The following NRXN3 variants were observed in gnomAD, a reference collection of about 807,000 sequenced individuals.
The protein encoded by NRXN3 is neurexin III.
In NRXN3, 32 loss-of-function variants were observed where a neutral mutation model predicts 137.6. The observed-to-expected ratio is 0.23, with a 90% CI of 0.18 to 0.31. The LOEUF (loss-of-function observed/expected upper bound fraction) is 0.31. NRXN3 is among the 10% of genes least tolerant of loss of function. The probability of loss-of-function intolerance (pLI) is 1.00; values close to 1 mark genes in which losing one functional copy is unlikely to be tolerated. For missense variants in NRXN3, 1,574 were observed against 2,062.5 expected (o/e 0.76, Z 4.59); for synonymous variants, 798 against 784.5 (o/e 1.02, Z -0.29).
intron 15 of NRXN3, among the ~76,000 whole-genome samples, chr14:79,275,133 T>C (rs1056565322): frequency 6.6e-5 from 10 of 152,220 alleles, no homozygotes; most frequent in African/African-American, 2.4e-4. Context: ...AAAGTCGAAC[T>C]GTTTTATGGT....
At chr14:79,765,382 C>T (rs141535173) in intron 19 of NRXN3, among the ~76,000 whole-genome samples, 5 of 152,174 alleles carry the variant, frequency 3.3e-5, no homozygotes, top group Admixed American at 1.3e-4. Flanking sequence ...TTCAATGGAA[C>T]AATTTTTCTT....
chr14:78,665,484 C>T (rs762148825), intron 6 of NRXN3, among the ~76,000 whole-genome samples: 9 of 152,130 alleles, frequency 5.9e-5, no homozygotes, highest in African/African-American at 1.9e-4. Flanking sequence ...TCAATTACCT[C>T]CCACCGGGTT....
intron 19 of NRXN3, among the ~76,000 whole-genome samples, chr14:79,706,099 G>A (rs1023569123): frequency 7.9e-5 from 12 of 152,262 alleles, no homozygotes; most frequent in Middle Eastern, 3.4e-3. Context: ...TCACCAGTGA[G>A]GGTGGGCACC....
intron 10 of NRXN3, among the ~76,000 whole-genome samples, chr14:78,946,327 T>C (rs1460760058): frequency 6.6e-6 from 1 of 152,148 alleles, no homozygotes; most frequent in Non-Finnish European, 1.5e-5. Flanking sequence ...TGTATACTCC[T>C]CCATGAAGAA....
At chr14:79,341,500 G>T (rs911156299) in intron 15 of NRXN3, among the ~76,000 whole-genome samples, 4 of 152,158 alleles carry the variant, frequency 2.6e-5, no homozygotes, top group Non-Finnish European at 5.9e-5. Flanking sequence ...AAGAGAATCA[G>T]CAGTTTAACA....
intron 15 of NRXN3, among the ~76,000 whole-genome samples, chr14:79,131,596 T>A (rs1001652351): frequency 1.3e-5 from 2 of 152,174 alleles, no homozygotes; most frequent in African/African-American, 4.8e-5. Context: ...TCAGACAGGG[T>A]CATTTAAGTC....
At chr14:78,953,903 A>C (rs910398848) in intron 10 of NRXN3, among the ~76,000 whole-genome samples, 5 of 152,172 alleles carry the variant, frequency 3.3e-5, no homozygotes, top group African/African-American at 1.2e-4. Context: ...GACGTTTCTT[A>C]AGTTCTCACT....
chr14:78,920,496 A>C (rs2099268052), intron 10 of NRXN3, among the ~76,000 whole-genome samples: 1 of 152,146 alleles, frequency 6.6e-6, no homozygotes, highest in Admixed American at 6.5e-5. Flanking sequence ...TTTTCTGACA[A>C]CCACTTCTCC....
At chr14:78,679,870 A>G (rs2098055054) in intron 6 of NRXN3, among the ~76,000 whole-genome samples, 2 of 152,156 alleles carry the variant, frequency 1.3e-5, no homozygotes, top group African/African-American at 4.8e-5. Context: ...CCTGGTTCAA[A>G]TCCGTTGTCT....
intron 15 of NRXN3, among the ~76,000 whole-genome samples, chr14:79,068,625 TG>T (rs2099683699): frequency 6.6e-6 from 1 of 152,162 alleles, no homozygotes; most frequent in Admixed American, 6.6e-5. Context: ...TTTAATTTCC[TG>T]GGGATACCAG....
Position 78,375,289 on chromosome 14 carries a change from C to A in NRXN3, c.757+77429C>A, listed in dbSNP as rs147121802. Among the ~76,000 whole-genome samples, 470 of 152,302 alleles carry A rather than the reference C, an allele frequency of 3.1e-3. 8 individuals carry two copies. The highest frequency in any genetic ancestry group is 0.011 in the African/African-American group (450 of 41,568). On this transcript the variant is annotated intron_variant, in intron 4 of 20. Transcript: ENST00000335750. ...TCTTTGCAAATTAACCGTAGGGATG[C>A]CATTTGGAACAACATGGCACATATT...
At chr14:79,115,064 G>A (rs1328006402) in intron 15 of NRXN3, among the ~76,000 whole-genome samples, 1 of 152,002 alleles carries the variant, frequency 6.6e-6, no homozygotes, top group Admixed American at 6.6e-5. Context: ...GGTGGCTCAC[G>A]CCTGTAATCC....
chr14:78,305,154 AGAGGCTG>A (rs1344250229), intron 4 of NRXN3, among the ~76,000 whole-genome samples: 1 of 152,080 alleles, frequency 6.6e-6, no homozygotes, highest in Non-Finnish European at 1.5e-5. Flanking sequence ...CTACCTTCGG[AGAGGCTG>A]GTCTGTGTGT....
intron 1 of NRXN3, among the ~76,000 whole-genome samples, chr14:78,238,268 C>T (rs2066604506): frequency 6.6e-6 from 1 of 151,908 alleles, no homozygotes; most frequent in African/African-American, 2.4e-5. Flanking sequence ...TAGATAATGT[C>T]ACTCACTTTC....
At chr14:79,743,715 A>G (rs2098970355) in intron 19 of NRXN3, among the ~76,000 whole-genome samples, 1 of 152,148 alleles carries the variant, frequency 6.6e-6, no homozygotes. Flanking sequence ...TCTATGATGT[A>G]CTATTCCATG....
At chr14:78,845,977 C>A (rs142609247) in intron 10 of NRXN3, among the ~76,000 whole-genome samples, 1 of 151,228 alleles carries the variant, frequency 6.6e-6, no homozygotes, top group Non-Finnish European at 1.5e-5. Flanking sequence ...ACTCAGCCAA[C>A]GCTTTAGAGA....
At chr14:79,631,836 G>A (rs952713937) in intron 16 of NRXN3, among the ~76,000 whole-genome samples, 13 of 146,552 alleles carry the variant, frequency 8.9e-5, no homozygotes, top group Admixed American at 8.1e-4. Context: ...AGGGGACTTG[G>A]AGACCTTTTC....
intron 16 of NRXN3, among the ~76,000 whole-genome samples, chr14:79,608,813 C>T (rs1437330006): frequency 1.3e-5 from 2 of 151,976 alleles, no homozygotes; most frequent in African/African-American, 4.8e-5. Flanking sequence ...CTTAAAAAAC[C>T]CCAAACCTTT....
At chr14:79,654,301 G>A (rs2098493418) in intron 16 of NRXN3, among the ~76,000 whole-genome samples, 1 of 151,246 alleles carries the variant, frequency 6.6e-6, no homozygotes, top group Non-Finnish European at 1.5e-5. Context: ...AAAATCATAG[G>A]TGACCTTAAA....
Sources: allele counts gnomAD v4.1 joint callset (sites outside exome capture counted in the v4.1 genomes callset), GRCh38; gene constraint gnomAD v4.1.1; transcripts MANE v1.5; gene names NCBI Gene and HGNC (gene_info 2026-07-23, HGNC 2026-07-21).